The following PLCB1 variants were observed in gnomAD, a reference collection of about 807,000 sequenced individuals.
PLCB1 encodes phospholipase C beta 1, also known as 1-phosphatidylinositol 4,5-bisphosphate phosphodiesterase beta-1.
PLCB1 carries 46 observed loss-of-function variants against 161.8 expected under a neutral mutation model. The observed-to-expected ratio is 0.28, with a 90% CI of 0.22 to 0.36. The LOEUF is 0.36. PLCB1 is among the 10% of genes least tolerant of loss of function. PLCB1 has a pLI of 1.00. For synonymous variants in PLCB1, 517 were observed against 503.7 expected, an observed-to-expected ratio of 1.03 and a Z score of -0.35; for missense variants, 1,016 against 1,472.5, an observed-to-expected ratio of 0.69 and a Z score of 5.07.
At chr20:8,227,298 T>A (rs62199993) in intron 2 of PLCB1, among the ~76,000 whole-genome samples, 41,380 of 152,044 alleles carry the variant, frequency 0.27, 5,995 homozygotes, top group Middle Eastern at 0.37. Flanking sequence ...ACTCTTAGGA[T>A]GGTGCGGCTT....
chr20:8,420,730 A>G (rs1340550174), intron 3 of PLCB1, among the ~76,000 whole-genome samples: 1 of 152,216 alleles, frequency 6.6e-6, no homozygotes, highest in African/African-American at 2.4e-5. Context: ...AATAAATACA[A>G]TTTTGAAAGC....
chr20:8,466,784 G>T (rs1298834481), intron 3 of PLCB1, among the ~76,000 whole-genome samples: 2 of 152,040 alleles, frequency 1.3e-5, no homozygotes, highest in Non-Finnish European at 2.9e-5. Flanking sequence ...CCAATTTCAT[G>T]TCATGCATAC....
At chr20:8,852,684 C>G (rs1013923624) in intron 31 of PLCB1, among the ~76,000 whole-genome samples, 1 of 152,196 alleles carries the variant, frequency 6.6e-6, no homozygotes, top group Non-Finnish European at 1.5e-5. Context: ...TTGGAAAGTG[C>G]CAGAGGCCCC....
intron 2 of PLCB1, among the ~76,000 whole-genome samples, chr20:8,231,459 G>A (rs2123184569): frequency 6.6e-6 from 1 of 152,264 alleles, no homozygotes; most frequent in South Asian, 2.1e-4. Context: ...AGACCTATCT[G>A]TTTTCTAAGG....
intron 31 of PLCB1, among the ~76,000 whole-genome samples, chr20:8,796,729 C>T (rs1984044541): frequency 1.3e-5 from 2 of 152,148 alleles, no homozygotes; most frequent in African/African-American, 4.8e-5. Context: ...GTTTACTCTC[C>T]TTCTGGGCAA....
intron 12 of PLCB1, among the ~76,000 whole-genome samples, chr20:8,712,848 C>G (rs1380151630): frequency 6.6e-6 from 1 of 152,216 alleles, no homozygotes; most frequent in Non-Finnish European, 1.5e-5. Flanking sequence ...CTGCTATGAC[C>G]TGAAGCTCAA....
intron 9 of PLCB1, among the ~76,000 whole-genome samples, chr20:8,667,968 G>T (rs927037830): frequency 6.6e-6 from 1 of 152,084 alleles, no homozygotes; most frequent in Admixed American, 6.5e-5. Flanking sequence ...GTTGCAGTGC[G>T]TGTGGGGTGG....
At chr20:8,788,803 C>A in intron 29 of PLCB1, 81 bp downstream of exon 29, 3 of 885,798 alleles carry the variant, frequency 3.4e-6, no homozygotes, top group Non-Finnish European at 5.3e-6. Flanking sequence ...AGGTTCATAA[C>A]CAGTCAAAGA....
At chr20:8,345,782 C>G (rs1043904728) in intron 2 of PLCB1, among the ~76,000 whole-genome samples, 3 of 152,212 alleles carry the variant, frequency 2.0e-5, no homozygotes, top group African/African-American at 4.8e-5. Context: ...AAAGCCAATT[C>G]TCTTCCTAAG....
intron 11 of PLCB1, among the ~76,000 whole-genome samples, chr20:8,703,986 A>G (rs1212052242): frequency 6.6e-6 from 1 of 152,216 alleles, no homozygotes; most frequent in African/African-American, 2.4e-5. Flanking sequence ...AGGTGAGCCT[A>G]CAATCCACTT....
intron 9 of PLCB1, among the ~76,000 whole-genome samples, chr20:8,682,325 AC>A (rs1268866942): frequency 1.3e-5 from 2 of 151,084 alleles, no homozygotes; most frequent in African/African-American, 4.9e-5. Flanking sequence ...ACATAGGAAG[AC>A]CCCTGTCTCT....
In PLCB1 at chr20:8,177,928, A is replaced by G. The variant is rs1390835883; in HGVS notation, c.177+27557A>G. Among the ~76,000 whole-genome samples, 6 of 152,070 alleles carry G rather than the reference A, an allele frequency of 3.9e-5. No homozygotes were observed. The East Asian group carries it at 9.7e-4, about 25-fold the overall frequency. The stretch of plus-strand genomic sequence containing the variant: ...TACTCAATGTTTAGCTCCCACTTAT[A>G]CATGAGAACATTCGTGATGTTTGGT... On this transcript the variant is annotated intron_variant, in intron 2 of 31. Transcript: ENST00000338037.
rs755505851 is a variant in PLCB1 at position 8,391,797 on chromosome 20, A to G, written c.246+20347A>G. ...TATATATGTGTGTGTATATATATATATATATATATATATATATATATATAT... is the reference window on the plus strand; with the variant it reads ...TATATATGTGTGTGTATATATATATGTATATATATATATATATATATATAT... On this transcript the variant is annotated intron_variant, in intron 3 of 31. Coordinates refer to ENST00000338037, the MANE Select transcript of PLCB1 (RefSeq NM_015192.4). Among the ~76,000 whole-genome samples the G allele has an allele frequency of 3.2e-3, 398 of 124,518 alleles. 9 individuals are homozygous for G. The highest frequency in any genetic ancestry group is 0.012 in the Middle Eastern group (3 of 246). 81.7% of individuals were successfully genotyped at this position (124,518 alleles called of 152,430 possible). A position where few individuals can be genotyped will look rare whatever the true frequency, so the allele number is the denominator to read the frequency against.
intron 2 of PLCB1, among the ~76,000 whole-genome samples, chr20:8,352,817 G>A (rs1346208457): frequency 6.6e-6 from 1 of 152,104 alleles, no homozygotes; most frequent in Admixed American, 6.5e-5. Flanking sequence ...TGTTGGAGCA[G>A]GTAGTTATAG....
chr20:8,250,483 G>A (rs931355551), intron 2 of PLCB1, among the ~76,000 whole-genome samples: 1 of 151,664 alleles, frequency 6.6e-6, no homozygotes, highest in Non-Finnish European at 1.5e-5. Context: ...AAGGTGGTTG[G>A]GAGTTAGATA....
Position 8,232,550 on chromosome 20 carries a change from T to C in PLCB1, c.177+82179T>C, listed in dbSNP as rs183221019. Among the ~76,000 whole-genome samples, 45 of 152,284 alleles carry C rather than the reference T, an allele frequency of 3.0e-4. No homozygotes were observed. In the South Asian group the frequency reaches 3.9e-3, roughly 13 times the overall value. On this transcript the variant is annotated intron_variant, in intron 2 of 31. Coordinates refer to ENST00000338037, the MANE Select transcript of PLCB1 (RefSeq NM_015192.4). ...CCAAGTAGAGAAGAACTGGAAGTTC[T>C]CTGCCATCCAGGCCTGCAACAGCTT... is the stretch of plus-strand genomic sequence containing the variant.
chr20:8,216,123 A>G (rs1190663210), intron 2 of PLCB1, among the ~76,000 whole-genome samples: 1 of 152,142 alleles, frequency 6.6e-6, no homozygotes, highest in East Asian at 1.9e-4. Flanking sequence ...TGAGTTCAGA[A>G]AAATTGGAAG....
At chr20:8,716,019 CT>C (rs1443798404) in intron 12 of PLCB1, 3 of 439,366 alleles carry the variant, frequency 6.8e-6, no homozygotes. Flanking sequence ...ATGCTGTCCC[CT>C]CCACCTATGT....
At chr20:8,331,618 CTT>C (rs1294781946) in intron 2 of PLCB1, among the ~76,000 whole-genome samples, 1 of 152,114 alleles carries the variant, frequency 6.6e-6, no homozygotes, top group Non-Finnish European at 1.5e-5. Flanking sequence ...TTACAAGGCA[CTT>C]CACTAAAAGA....
Sources: allele counts gnomAD v4.1 joint callset (sites outside exome capture counted in the v4.1 genomes callset), GRCh38; gene constraint gnomAD v4.1.1; transcripts MANE v1.5; gene names NCBI Gene and HGNC (gene_info 2026-07-23, HGNC 2026-07-21).